The following LIMA1 variants were observed in gnomAD, a reference collection of about 807,000 sequenced individuals.
LIMA1 encodes LIM domain and actin binding 1.
LIMA1 carries 52 observed loss-of-function variants against 62.6 expected under a neutral mutation model. The ratio of observed to expected loss-of-function variants is 0.83; its 90% confidence interval spans 0.67 to 1.05. The LOEUF (loss-of-function observed/expected upper bound fraction) is 1.05, where lower values mean the gene tolerates loss of function less well. LIMA1 is among the 50% of genes least tolerant of loss of function. The pLI, the probability that LIMA1 is intolerant of heterozygous loss-of-function variation, is 0.00. For synonymous variants in LIMA1, 302 were observed against 317.8 expected (o/e 0.95, Z 0.53); for missense variants, 780 against 902.2 (o/e 0.86, Z 1.74).
At chr12:50,238,529 C>CA (rs911320310) in intron 2 of LIMA1, among the ~76,000 whole-genome samples, 1 of 149,482 alleles carries the variant, frequency 6.7e-6, no homozygotes, top group African/African-American at 2.5e-5. Context: ...ACAAAACAAA[C>CA]AAAAAAAGAC....
chr12:50,225,154 G>A (rs1447428519), intron 3 of LIMA1, among the ~76,000 whole-genome samples: 8 of 151,882 alleles, frequency 5.3e-5, no homozygotes, highest in African/African-American at 1.7e-4. Context: ...TGCCTGCCTC[G>A]GCCTCCCAAA....
At chr12:50,274,681 T>C (rs796835659) in intron 1 of LIMA1, among the ~76,000 whole-genome samples, 3 of 151,840 alleles carry the variant, frequency 2.0e-5, no homozygotes, top group African/African-American at 7.2e-5. Context: ...GTGAAGGAAA[T>C]ACAAAAAGAG....
At chr12:50,192,215 G>A (rs1404624947) in intron 9 of LIMA1, among the ~76,000 whole-genome samples, 1 of 151,938 alleles carries the variant, frequency 6.6e-6, no homozygotes, top group Non-Finnish European at 1.5e-5. Context: ...ACTTTCATGA[G>A]TTTTCCAGAG....
intron 2 of LIMA1, among the ~76,000 whole-genome samples, chr12:50,238,666 A>G (rs1415209877): frequency 6.6e-6 from 1 of 151,868 alleles, no homozygotes; most frequent in Non-Finnish European, 1.5e-5. Flanking sequence ...ACTGGCCAAC[A>G]TGGTAAAACC....
chr12:50,234,151 A>C (rs1172599089), intron 2 of LIMA1: 3 of 462,032 alleles, frequency 6.5e-6, no homozygotes, highest in Non-Finnish European at 4.4e-6. Flanking sequence ...TTAAAGACTA[A>C]GTGGTCCGGA....
At chr12:50,258,938 G>A (rs778965346) in intron 1 of LIMA1, among the ~76,000 whole-genome samples, 53 of 152,104 alleles carry the variant, frequency 3.5e-4, no homozygotes, top group Middle Eastern at 3.4e-3. Flanking sequence ...GAGTCACCGC[G>A]CCCAGCCCTA....
intron 1 of LIMA1, among the ~76,000 whole-genome samples, chr12:50,272,619 G>C (rs1942227337): frequency 1.3e-5 from 2 of 150,074 alleles, no homozygotes. Context: ...AATCTGAGCA[G>C]CTACCACGTA....
chr12:50,254,481 C>G (rs550456968), intron 1 of LIMA1, among the ~76,000 whole-genome samples: 2 of 152,226 alleles, frequency 1.3e-5, no homozygotes, highest in East Asian at 3.9e-4. Context: ...AGTATTAGAG[C>G]TAGAGTTCTA....
intron 3 of LIMA1, among the ~76,000 whole-genome samples, chr12:50,230,620 A>C (rs909010546): frequency 2.0e-5 from 3 of 151,940 alleles, no homozygotes; most frequent in African/African-American, 7.3e-5. Flanking sequence ...CTGCAGAGTC[A>C]AGCTGGAGTG....
chr12:50,261,042 ATTTTTTTTTTT>A lies in LIMA1; in HGVS notation c.-23-12279_-23-12269del, dbSNP rs71083524. On this transcript the variant is annotated intron_variant, in intron 1 of 10. Coordinates refer to ENST00000341247, the MANE Select transcript of LIMA1 (RefSeq NM_016357.5). ...CTTTTGCTTTTCTGCCATCTAGTAT[ATTTTTTTTTTT>A]TTTTTTTTTTTTTTTTTGAGATGGA... is the stretch of plus-strand genomic sequence containing the variant. 2.3e-3 allele frequency among the ~76,000 whole-genome samples: 126 copies of A among 54,290 alleles called. 3 individuals are homozygous for A. Among genetic ancestry groups the A allele is most frequent in the African/African-American group, 4.8e-3 (67 of 13,956 alleles). The allele number at this position is 54,290 out of a possible 152,430, so 35.6% of individuals were successfully genotyped here. A position where few individuals can be genotyped will look rare whatever the true frequency, so the allele number is the denominator to read the frequency against.
intron 3 of LIMA1, among the ~76,000 whole-genome samples, chr12:50,231,281 C>T (rs1004837322): frequency 6.6e-6 from 1 of 152,126 alleles, no homozygotes; most frequent in Non-Finnish European, 1.5e-5. Context: ...CAGAAGATGA[C>T]AACAGCTGCA....
At chr12:50,277,998 C>T (rs1039734576) in intron 1 of LIMA1, among the ~76,000 whole-genome samples, 5 of 152,060 alleles carry the variant, frequency 3.3e-5, no homozygotes, top group Admixed American at 6.6e-5. Flanking sequence ...ATATTCGGGC[C>T]GGGCGCGGTG....
intron 2 of LIMA1, chr12:50,234,136 T>A: frequency 2.1e-6 from 1 of 467,570 alleles, no homozygotes; most frequent in Non-Finnish European, 4.4e-6. Flanking sequence ...ACAGGTTTTC[T>A]CCATTTAAAG....
At chr12:50,280,054 A>G (rs907122333) in intron 1 of LIMA1, among the ~76,000 whole-genome samples, 5 of 151,834 alleles carry the variant, frequency 3.3e-5, no homozygotes, top group African/African-American at 4.8e-5. Context: ...ATTAAGGGGG[A>G]AAATAGATCC....
At chr12:50,246,379 C>T (rs1345872054) in intron 2 of LIMA1, among the ~76,000 whole-genome samples, 1 of 152,054 alleles carries the variant, frequency 6.6e-6, no homozygotes, top group Non-Finnish European at 1.5e-5. Flanking sequence ...AGTTTCTGTG[C>T]AGGACAGGGA....
At chr12:50,250,951 GT>G (rs1941922366) in intron 1 of LIMA1, among the ~76,000 whole-genome samples, 1 of 152,164 alleles carries the variant, frequency 6.6e-6, no homozygotes, top group Non-Finnish European at 1.5e-5. Context: ...ACTGTTTAGT[GT>G]TTTTAATGTT....
intron 9 of LIMA1, among the ~76,000 whole-genome samples, chr12:50,184,114 C>T (rs1940574321): frequency 6.6e-6 from 1 of 152,058 alleles, no homozygotes; most frequent in Non-Finnish European, 1.5e-5. Flanking sequence ...GGGCAATGTC[C>T]TAAAAAGAAA....
chr12:50,190,889 G>C (rs564574827), intron 9 of LIMA1, among the ~76,000 whole-genome samples: 51 of 150,810 alleles, frequency 3.4e-4, no homozygotes, highest in African/African-American at 1.2e-3. Flanking sequence ...AGGCCAAGGT[G>C]GGGGGATTAC....
intron 1 of LIMA1, among the ~76,000 whole-genome samples, chr12:50,271,773 T>C (rs553232648): frequency 6.4e-4 from 98 of 152,330 alleles, no homozygotes; most frequent in African/African-American, 2.1e-3. Flanking sequence ...TACCAGTGCC[T>C]GGAACATGTA....
Sources: allele counts gnomAD v4.1 joint callset (sites outside exome capture counted in the v4.1 genomes callset), GRCh38; gene constraint gnomAD v4.1.1; transcripts MANE v1.5; gene names NCBI Gene and HGNC (gene_info 2026-07-23, HGNC 2026-07-21).